The following TXN2 variants were observed in gnomAD, a reference collection of about 807,000 sequenced individuals.
The protein encoded by TXN2 is thioredoxin 2.
In TXN2, 12 loss-of-function variants were observed where a neutral mutation model predicts 14.6. The observed-to-expected ratio is 0.82, with a 90% CI of 0.53 to 1.33. The LOEUF is 1.33. Ranked by LOEUF, TXN2 falls within the 40% of genes most tolerant of loss-of-function variation. The probability of loss-of-function intolerance (pLI) is 0.00; values close to 1 mark genes in which losing one functional copy is unlikely to be tolerated. For missense variants in TXN2, 173 were observed against 207.7 expected (o/e 0.83, Z 1.03); for synonymous variants, 89 against 81.0 (o/e 1.10, Z -0.53).
chr22:36,470,170 C>T (rs1933243790), intron 3 of TXN2, among the ~76,000 whole-genome samples: 2 of 152,270 alleles, frequency 1.3e-5, no homozygotes, highest in South Asian at 4.1e-4. Flanking sequence ...GGCACGCAGG[C>T]CAGACCATCC....
intron 2 of TXN2, among the ~76,000 whole-genome samples, chr22:36,478,828 G>A (rs1390094317): frequency 1.3e-5 from 2 of 152,032 alleles, no homozygotes; most frequent in Non-Finnish European, 2.9e-5. Flanking sequence ...AATTATCTGG[G>A]TGGTAGTCCC....
intron 2 of TXN2, among the ~76,000 whole-genome samples, chr22:36,477,858 C>T (rs973196026): frequency 5.3e-5 from 8 of 152,124 alleles, no homozygotes; most frequent in South Asian, 2.1e-4. Context: ...TTTCTTTGGC[C>T]GGGTGCGGTG....
At chr22:36,477,061 G>A (rs1933401262) in intron 2 of TXN2, among the ~76,000 whole-genome samples, 1 of 152,064 alleles carries the variant, frequency 6.6e-6, no homozygotes, top group Non-Finnish European at 1.5e-5. Context: ...TAAAACACAG[G>A]CCTCATCAGA....
chr22:36,479,717 T>C (rs1025881651), intron 2 of TXN2, among the ~76,000 whole-genome samples: 2 of 152,078 alleles, frequency 1.3e-5, no homozygotes, highest in Admixed American at 6.6e-5. Flanking sequence ...TTTTGTGTAG[T>C]TGGGTGTCTA....
chr22:36,477,077 C>T (rs1353918692), intron 2 of TXN2, among the ~76,000 whole-genome samples: 1 of 152,174 alleles, frequency 6.6e-6, no homozygotes, highest in African/African-American at 2.4e-5. Flanking sequence ...TCAGAAGACT[C>T]ATAATAAAAG....
intron 3 of TXN2, chr22:36,468,560 C>T: frequency 2.8e-6 from 1 of 351,438 alleles, no homozygotes; most frequent in Non-Finnish European, 5.7e-6. Flanking sequence ...CCTTTGTTTA[C>T]TAAACCCCCC....
chr22:36,474,689 A>C (rs1933350611), intron 3 of TXN2, among the ~76,000 whole-genome samples: 2 of 152,294 alleles, frequency 1.3e-5, no homozygotes, highest in African/African-American at 2.4e-5. Context: ...CCAGACTAAA[A>C]GTGTCTGTGA....
chr22:36,468,102 C>T (rs1003719608), intron 3 of TXN2, among the ~76,000 whole-genome samples, 185 bp from the exon 4 acceptor site: 4 of 152,192 alleles, frequency 2.6e-5, no homozygotes, highest in African/African-American at 9.7e-5. Flanking sequence ...CGGGGGCCAC[C>T]CGCTGAAGAA....
chr22:36,480,889 A>G, intron 1 of TXN2, 52 bp from the exon 2 acceptor site: 1 of 1,507,420 alleles, frequency 6.6e-7, no homozygotes, highest in Non-Finnish European at 8.9e-7. Flanking sequence ...AAGTCGACAC[A>G]CTAGAAAAAG....
chr22:36,474,781 C>T (rs1175546061), intron 3 of TXN2, among the ~76,000 whole-genome samples: 1 of 152,202 alleles, frequency 6.6e-6, no homozygotes, highest in African/African-American at 2.4e-5. Context: ...CAGAGACCCT[C>T]CCAATCCGGC....
At position 36,479,806 on chromosome 22, in the gene TXN2, CA is replaced by C. The variant is rs760981550; in HGVS notation, c.263+768del. Among the ~76,000 whole-genome samples, 59 of 151,724 alleles carry C rather than the reference CA, an allele frequency of 3.9e-4. 1 individual carries two copies. Among genetic ancestry groups the C allele is most frequent in the Admixed American group, 8.5e-4 (13 of 15,220 alleles). Reference sequence around the variant, plus strand: ...CAGAGGGACTTAAATATCTCTAAAGCAAACTCAGATAGCACTGAAAGGAAAC... The same window carrying C: ...CAGAGGGACTTAAATATCTCTAAAGCAACTCAGATAGCACTGAAAGGAAAC... On this transcript the variant is annotated intron_variant, in intron 2 of 3. Coordinates refer to ENST00000216185, the MANE Select transcript of TXN2 (RefSeq NM_012473.4).
At chr22:36,469,079 T>G (rs908945686) in intron 3 of TXN2, among the ~76,000 whole-genome samples, 5 of 150,874 alleles carry the variant, frequency 3.3e-5, no homozygotes, top group African/African-American at 1.2e-4. Flanking sequence ...AATACATAAA[T>G]AAAGCAGAGC....
intron 2 of TXN2, 55 bp downstream of exon 2, chr22:36,480,520 C>T (rs1022915334): frequency 6.3e-7 from 1 of 1,580,712 alleles, no homozygotes. Context: ...AGCAGGCATT[C>T]AATAAATACT....
intron 2 of TXN2, among the ~76,000 whole-genome samples, chr22:36,478,569 A>T (rs2145827032): frequency 6.6e-6 from 1 of 152,168 alleles, no homozygotes; most frequent in Non-Finnish European, 1.5e-5. Flanking sequence ...GGCTCACTGC[A>T]ACTTCCGCCT....
intron 3 of TXN2, among the ~76,000 whole-genome samples, chr22:36,474,332 G>A (rs924711670): frequency 1.3e-5 from 2 of 152,158 alleles, no homozygotes; most frequent in Non-Finnish European, 2.9e-5. Context: ...ATTGCAGACT[G>A]ATGTTCCTTT....
At chr22:36,470,684 CA>C (rs1933254575) in intron 3 of TXN2, among the ~76,000 whole-genome samples, 2 of 151,702 alleles carry the variant, frequency 1.3e-5, no homozygotes, top group Admixed American at 6.6e-5. Flanking sequence ...CCTGTAATCC[CA>C]AGTACTTTGG....
At chr22:36,476,702 T>C (rs2145825434) in intron 3 of TXN2, 31 bp downstream of exon 3, 1 of 1,613,852 alleles carries the variant, frequency 6.2e-7, no homozygotes, top group Non-Finnish European at 8.5e-7. Flanking sequence ...CTATACTGGC[T>C]TCCCTGTGGC....
At chr22:36,478,308 G>A (rs2077524180) in intron 2 of TXN2, among the ~76,000 whole-genome samples, 1 of 152,026 alleles carries the variant, frequency 6.6e-6, no homozygotes, top group South Asian at 2.1e-4. Flanking sequence ...TGGCACCAAG[G>A]AAAGTGCCTG....
chr22:36,468,476 C>G (rs1426676494), intron 3 of TXN2: 1 of 305,210 alleles, frequency 3.3e-6, no homozygotes, highest in Non-Finnish European at 6.5e-6. Context: ...ATAATCCCAG[C>G]CTTCTGGGAG....
Sources: gnomAD v4.1 joint callset for allele counts (sites outside exome capture counted in the v4.1 genomes callset) on GRCh38, gnomAD v4.1.1 for gene constraint, MANE v1.5 for transcripts, NCBI Gene and HGNC (gene_info 2026-07-23, HGNC 2026-07-21) for gene names.